The following HS6ST3 variants were observed in gnomAD, a reference collection of about 807,000 sequenced individuals.
HS6ST3 encodes heparan sulfate 6-O-sulfotransferase 3.
HS6ST3 carries 12 observed loss-of-function variants against 36.7 expected under a neutral mutation model. That is an observed-to-expected ratio of 0.33 (90% confidence interval 0.21 to 0.53). The LOEUF (loss-of-function observed/expected upper bound fraction) is 0.53, where lower values mean the gene tolerates loss of function less well. HS6ST3 is among the 20% of genes least tolerant of loss of function. The pLI, the probability that HS6ST3 is intolerant of heterozygous loss-of-function variation, is 0.95. For missense variants in HS6ST3, 584 were observed against 640.9 expected (o/e 0.91, Z 0.96); for synonymous variants, 240 against 257.5 (o/e 0.93, Z 0.65).
At chr13:96,646,068 G>C (rs891652970) in intron 1 of HS6ST3, among the ~76,000 whole-genome samples, 1 of 151,924 alleles carries the variant, frequency 6.6e-6, no homozygotes, top group Non-Finnish European at 1.5e-5. Context: ...ATTTTCAAGT[G>C]TACAAAGGAA....
chr13:96,559,293 A>G (rs1380900631), intron 1 of HS6ST3, among the ~76,000 whole-genome samples: 1 of 151,856 alleles, frequency 6.6e-6, no homozygotes, highest in African/African-American at 2.4e-5. Flanking sequence ...TAATTTTTGT[A>G]TTTTTAATAG....
At chr13:96,676,387 G>T (rs915117262) in intron 1 of HS6ST3, among the ~76,000 whole-genome samples, 1 of 152,064 alleles carries the variant, frequency 6.6e-6, no homozygotes. Flanking sequence ...GACTCTATAT[G>T]GGCAGAGCCA....
intron 1 of HS6ST3, among the ~76,000 whole-genome samples, chr13:96,692,928 T>C (rs1393398395): frequency 6.6e-6 from 1 of 152,162 alleles, no homozygotes; most frequent in Admixed American, 6.6e-5. Flanking sequence ...ACAGTCTATA[T>C]TTTGCCAAGC....
At chr13:96,421,903 T>G (rs2055564610) in intron 1 of HS6ST3, among the ~76,000 whole-genome samples, 1 of 152,216 alleles carries the variant, frequency 6.6e-6, no homozygotes, top group African/African-American at 2.4e-5. Context: ...AAGTAAATGT[T>G]TATTGAAAGA....
chr13:96,374,232 G>T (rs1179347601), intron 1 of HS6ST3, among the ~76,000 whole-genome samples: 1 of 152,076 alleles, frequency 6.6e-6, no homozygotes, highest in Non-Finnish European at 1.5e-5. Flanking sequence ...TGAAAAGAGG[G>T]TTAAATACAT....
At chr13:96,486,059 C>G (rs1299924456) in intron 1 of HS6ST3, among the ~76,000 whole-genome samples, 4 of 144,034 alleles carry the variant, frequency 2.8e-5, no homozygotes, top group African/African-American at 1.0e-4. Flanking sequence ...GTTCCCCTTC[C>G]TGTGTCCATG....
chr13:96,445,188 A>G (rs962427415), intron 1 of HS6ST3, among the ~76,000 whole-genome samples: 5 of 152,138 alleles, frequency 3.3e-5, no homozygotes, highest in Non-Finnish European at 7.3e-5. Flanking sequence ...CTTCAGTGTA[A>G]TTTTGTGCTG....
chr13:96,619,587 G>A (rs368823534), intron 1 of HS6ST3, among the ~76,000 whole-genome samples: 4 of 152,148 alleles, frequency 2.6e-5, no homozygotes, highest in African/African-American at 7.2e-5. Context: ...TGTATGTAGT[G>A]TATTTATGAT....
intron 1 of HS6ST3, among the ~76,000 whole-genome samples, chr13:96,348,903 T>C (rs1400983399): frequency 6.6e-6 from 1 of 152,230 alleles, no homozygotes; most frequent in African/African-American, 2.4e-5. Flanking sequence ...AGCTGAGTTT[T>C]ACTAATCACA....
At chr13:96,101,513 G>A (rs2053818326) in intron 1 of HS6ST3, among the ~76,000 whole-genome samples, 1 of 151,786 alleles carries the variant, frequency 6.6e-6, no homozygotes, top group Admixed American at 6.6e-5. Context: ...ATTATGAAAA[G>A]CTTCTAATAC....
chr13:96,254,452 T>C (rs1467071787), intron 1 of HS6ST3, among the ~76,000 whole-genome samples: 435 of 4,388 alleles, frequency 0.099, 38 homozygotes, highest in Admixed American at 0.19. Flanking sequence ...AAAAAAAATA[T>C]ATATATATAT....
intron 1 of HS6ST3, among the ~76,000 whole-genome samples, chr13:96,799,434 T>C (rs1594862751): frequency 6.6e-6 from 1 of 152,068 alleles, no homozygotes; most frequent in African/African-American, 2.4e-5. Flanking sequence ...ACATACACCA[T>C]GGAATACTAT....
intron 1 of HS6ST3, among the ~76,000 whole-genome samples, chr13:96,487,902 G>C (rs147834098): frequency 7.2e-4 from 110 of 152,158 alleles, no homozygotes; most frequent in Non-Finnish European, 1.3e-3. Flanking sequence ...AATGTGACTG[G>C]TTATGTACAT....
Position 96,690,979 on chromosome 13 carries a change from C to T in HS6ST3, c.708-141511C>T, listed in dbSNP as rs1874940283. On this transcript the variant is annotated intron_variant, in intron 1 of 1. Transcript: ENST00000376705. ...ACAGTCCTTGGCACCCAGTACTTTC[C>T]AATTCCCTTCCCATCCCATAGAGAA... Among the ~76,000 whole-genome samples, 4 of 152,190 alleles carry T rather than the reference C, an allele frequency of 2.6e-5. No individual in the cohort carries two copies. In the South Asian group the frequency reaches 8.3e-4, roughly 32 times the overall value.
chr13:96,234,771 G>T (rs1383954848), intron 1 of HS6ST3, among the ~76,000 whole-genome samples: 1 of 152,126 alleles, frequency 6.6e-6, no homozygotes, highest in African/African-American at 2.4e-5. Context: ...TGGGGACACA[G>T]CCAAACCATA....
At chr13:96,453,304 C>T (rs2055738858) in intron 1 of HS6ST3, among the ~76,000 whole-genome samples, 1 of 151,888 alleles carries the variant, frequency 6.6e-6, no homozygotes, top group Non-Finnish European at 1.5e-5. Flanking sequence ...GTAAATTGTA[C>T]TCAATAAGTA....
intron 1 of HS6ST3, among the ~76,000 whole-genome samples, chr13:96,285,668 C>T (rs887867126): frequency 1.3e-5 from 2 of 152,004 alleles, no homozygotes; most frequent in African/African-American, 2.4e-5. Flanking sequence ...ATATAAGAGG[C>T]GAAGTTTAAC....
chr13:96,703,092 T>C (rs769717715), intron 1 of HS6ST3, among the ~76,000 whole-genome samples: 41 of 152,240 alleles, frequency 2.7e-4, no homozygotes, highest in Non-Finnish European at 5.9e-4. Context: ...GTATATTAGA[T>C]ATATTTACTC....
At chr13:96,521,674 AT>A (rs2056094104) in intron 1 of HS6ST3, among the ~76,000 whole-genome samples, 1 of 152,154 alleles carries the variant, frequency 6.6e-6, no homozygotes, top group Non-Finnish European at 1.5e-5. Context: ...GGTAGTTTGT[AT>A]TCCTGTGGGA....
Sources: gnomAD v4.1 joint callset for allele counts (sites outside exome capture counted in the v4.1 genomes callset) on GRCh38, gnomAD v4.1.1 for gene constraint, MANE v1.5 for transcripts, NCBI Gene and HGNC (gene_info 2026-07-23, HGNC 2026-07-21) for gene names.